Variants in SGCZ observed in about 807,000 individuals in gnomAD.
The protein encoded by SGCZ is zeta-sarcoglycan.
In SGCZ, 40 loss-of-function variants were observed where a neutral mutation model predicts 41.3. That is an observed-to-expected ratio of 0.97 (90% CI 0.75 to 1.26). SGCZ has a LOEUF of 1.26. SGCZ is among the 50% of genes most tolerant of loss of function. The pLI, the probability that SGCZ is intolerant of heterozygous loss-of-function variation, is 0.00. For synonymous variants in SGCZ, 206 were observed against 137.5 expected (o/e 1.50, Z -3.49); for missense variants, 552 against 369.8 (o/e 1.49, Z -4.04).
At chr8:15,065,440 ATTATTATTATTATT>A (rs1017230994) in intron 1 of SGCZ, among the ~76,000 whole-genome samples, 6 of 147,194 alleles carry the variant, frequency 4.1e-5, no homozygotes, top group African/African-American at 1.5e-4. Context: ...TATTATTATT[ATTATTATTATTATT>A]ATTATTTTGA....
intron 1 of SGCZ, among the ~76,000 whole-genome samples, chr8:14,742,268 T>C (rs1799216934): frequency 6.6e-6 from 1 of 151,966 alleles, no homozygotes; most frequent in South Asian, 2.1e-4. Context: ...TACAATAAAT[T>C]TCATGAATTA....
chr8:14,167,791 C>T (rs1281663136), intron 4 of SGCZ, among the ~76,000 whole-genome samples: 4 of 152,210 alleles, frequency 2.6e-5, no homozygotes, highest in East Asian at 1.9e-4. Flanking sequence ...TTTTTTTGAA[C>T]ATTCACATCT....
intron 2 of SGCZ, among the ~76,000 whole-genome samples, chr8:14,550,014 A>G (rs769998124): frequency 7.2e-5 from 11 of 152,034 alleles, no homozygotes; most frequent in Non-Finnish European, 1.3e-4. Flanking sequence ...AAAGGTTAAG[A>G]TTCCTAGACT....
At chr8:14,614,438 T>C (rs6997714) in intron 1 of SGCZ, among the ~76,000 whole-genome samples, 50,672 of 152,018 alleles carry the variant, frequency 0.33, 8,763 homozygotes, top group East Asian at 0.62. Flanking sequence ...TGTATATGCA[T>C]TAACAGGGTA....
intron 1 of SGCZ, among the ~76,000 whole-genome samples, chr8:15,084,689 T>C (rs1585547059): frequency 6.6e-6 from 1 of 152,112 alleles, no homozygotes; most frequent in Non-Finnish European, 1.5e-5. Context: ...GAGGCAGAGG[T>C]TGCAGTGAGC....
At chr8:14,554,959 G>GA in intron 1 of SGCZ, 33 bp from the exon 2 acceptor site, 2 of 1,418,512 alleles carry the variant, frequency 1.4e-6, no homozygotes, top group Non-Finnish European at 1.9e-6. Flanking sequence ...AGAGAAAGAA[G>GA]GAAAAAAAAA....
At chr8:14,803,611 C>A (rs1801409568) in intron 1 of SGCZ, among the ~76,000 whole-genome samples, 1 of 152,118 alleles carries the variant, frequency 6.6e-6, no homozygotes, top group African/African-American at 2.4e-5. Context: ...GCTAGCACAG[C>A]AGTCTGAGAT....
chr8:14,392,865 A>T (rs541007934), intron 2 of SGCZ, among the ~76,000 whole-genome samples: 1 of 152,262 alleles, frequency 6.6e-6, no homozygotes, highest in East Asian at 1.9e-4. Context: ...TGTATTTGTT[A>T]TCTTTATGTT....
chr8:14,108,907 A>T (rs1802291080), intron 5 of SGCZ, among the ~76,000 whole-genome samples: 1 of 152,202 alleles, frequency 6.6e-6, no homozygotes. Context: ...AGTTAAGTGA[A>T]ATTGAGGGAG....
chr8:14,820,988 G>A (rs1286364899), intron 1 of SGCZ, among the ~76,000 whole-genome samples: 3 of 149,466 alleles, frequency 2.0e-5, no homozygotes, highest in African/African-American at 4.9e-5. Flanking sequence ...AAAGCTCAGA[G>A]CAGAGATAAG....
At chr8:14,599,608 G>A (rs1805522940) in intron 1 of SGCZ, among the ~76,000 whole-genome samples, 1 of 152,062 alleles carries the variant, frequency 6.6e-6, no homozygotes, top group African/African-American at 2.4e-5. Context: ...AATAAGGCTG[G>A]AAAATGGCTT....
At chr8:15,204,595 T>C (rs1386866814) in intron 1 of SGCZ, among the ~76,000 whole-genome samples, 1 of 152,164 alleles carries the variant, frequency 6.6e-6, no homozygotes, top group Non-Finnish European at 1.5e-5. Context: ...AACTAGGGTC[T>C]TCCCTTCCTT....
At chr8:15,202,190 T>G (rs11782036) in intron 1 of SGCZ, among the ~76,000 whole-genome samples, 1 of 152,134 alleles carries the variant, frequency 6.6e-6, no homozygotes, top group African/African-American at 2.4e-5. Context: ...CTTTTGTCAT[T>G]GCTAACCATT....
chr8:14,156,016 C>T (rs1803865523), intron 5 of SGCZ, among the ~76,000 whole-genome samples: 1 of 152,084 alleles, frequency 6.6e-6, no homozygotes, highest in Admixed American at 6.5e-5. Context: ...AATAATGGTA[C>T]ACCCCTATAG....
chr8:14,354,461 T>C (rs768756021), intron 2 of SGCZ, among the ~76,000 whole-genome samples: 1 of 151,962 alleles, frequency 6.6e-6, no homozygotes, highest in Admixed American at 6.6e-5. Context: ...CAACAAAAAT[T>C]AGTACTCTTG....
At chr8:15,093,134 A>G (rs1585554673) in intron 1 of SGCZ, among the ~76,000 whole-genome samples, 1 of 152,312 alleles carries the variant, frequency 6.6e-6, no homozygotes, top group East Asian at 1.9e-4. Context: ...AAAAAAATCA[A>G]TGAAATCACT....
At chr8:14,814,275 A>C (rs566887185) in intron 1 of SGCZ, among the ~76,000 whole-genome samples, 1 of 152,256 alleles carries the variant, frequency 6.6e-6, no homozygotes, top group South Asian at 2.1e-4. Context: ...CTACCTCCTT[A>C]AATGGTCAGC....
intron 2 of SGCZ, among the ~76,000 whole-genome samples, chr8:14,447,054 C>T (rs1800453680): frequency 6.6e-6 from 1 of 152,036 alleles, no homozygotes; most frequent in Admixed American, 6.5e-5. Flanking sequence ...CCGAGAAATA[C>T]CACATTTTCC....
chr8:15,035,397 A>G (rs755498451), intron 1 of SGCZ, among the ~76,000 whole-genome samples: 1 of 152,156 alleles, frequency 6.6e-6, no homozygotes, highest in Non-Finnish European at 1.5e-5. Flanking sequence ...AGAGAAAACC[A>G]TCCAATCACA....
Sources: allele counts gnomAD v4.1 joint callset (sites outside exome capture counted in the v4.1 genomes callset), GRCh38; gene constraint gnomAD v4.1.1; transcripts MANE v1.5; gene names NCBI Gene and HGNC (gene_info 2026-07-23, HGNC 2026-07-21).